Variants in WWOX observed in about 807,000 individuals in gnomAD.
WWOX encodes the protein WW domain-containing oxidoreductase.
Under a neutral mutation model 46.2 loss-of-function variants are expected in WWOX, and 69 were observed. That is an observed-to-expected ratio of 1.49 (90% CI 1.23 to 1.82). The LOEUF (loss-of-function observed/expected upper bound fraction) is 1.82, where lower values mean the gene tolerates loss of function less well. WWOX is among the 40% of genes most tolerant of loss of function. The pLI is 0.00. For missense variants in WWOX, 919 were observed against 542.6 expected (o/e 1.69, Z -6.89); for synonymous variants, 359 against 202.6 (o/e 1.77, Z -6.56).
intron 8 of WWOX, among the ~76,000 whole-genome samples, chr16:79,188,240 C>T (rs1446523599): frequency 5.9e-5 from 9 of 152,152 alleles, no homozygotes; most frequent in African/African-American, 2.2e-4. Context: ...AAAATGGAAA[C>T]ACACACTTTT....
At chr16:78,114,145 T>C (rs2032649731) in intron 3 of WWOX, among the ~76,000 whole-genome samples, 1 of 150,116 alleles carries the variant, frequency 6.7e-6, no homozygotes, top group African/African-American at 2.5e-5. Context: ...TCACCCAGGC[T>C]AGAGTGCAGT....
intron 8 of WWOX, among the ~76,000 whole-genome samples, chr16:78,609,929 G>C (rs1033581433): frequency 2.0e-5 from 3 of 152,132 alleles, no homozygotes; most frequent in African/African-American, 4.8e-5. Flanking sequence ...TGCGTGTGTA[G>C]GGGGTAGCAT....
chr16:78,539,701 A>G (rs2043841455), intron 8 of WWOX, among the ~76,000 whole-genome samples: 1 of 152,168 alleles, frequency 6.6e-6, no homozygotes, highest in African/African-American at 2.4e-5. Context: ...ACCTTGCCAG[A>G]GCATGTTTTC....
At chr16:78,367,919 G>C (rs1025568710) in intron 5 of WWOX, among the ~76,000 whole-genome samples, 3 of 151,964 alleles carry the variant, frequency 2.0e-5, no homozygotes, top group Non-Finnish European at 4.4e-5. Flanking sequence ...ACCACACCCC[G>C]CTAATTTTTG....
chr16:78,840,841 G>C (rs993026166), intron 8 of WWOX, among the ~76,000 whole-genome samples: 1 of 151,922 alleles, frequency 6.6e-6, no homozygotes, highest in South Asian at 2.1e-4. Context: ...TTATAAATTG[G>C]TAATCCCCCA....
At chr16:78,952,062 T>G (rs2046071244) in intron 8 of WWOX, among the ~76,000 whole-genome samples, 1 of 152,094 alleles carries the variant, frequency 6.6e-6, no homozygotes, top group South Asian at 2.1e-4. Context: ...AGACCCCTAA[T>G]CATAACCTAC....
chr16:79,019,685 C>G (rs963341046), intron 8 of WWOX, among the ~76,000 whole-genome samples: 1 of 151,886 alleles, frequency 6.6e-6, no homozygotes, highest in African/African-American at 2.4e-5. Flanking sequence ...CCCGGGCTCT[C>G]TAAGGGTGTA....
intron 8 of WWOX, among the ~76,000 whole-genome samples, chr16:78,705,385 T>G (rs77052053): frequency 6.6e-6 from 1 of 152,154 alleles, no homozygotes; most frequent in Non-Finnish European, 1.5e-5. Context: ...AGGGACTTCT[T>G]TGGGGAGAAT....
intron 8 of WWOX, among the ~76,000 whole-genome samples, chr16:79,191,128 A>G (rs992959094): frequency 2.0e-5 from 3 of 152,136 alleles, no homozygotes; most frequent in Non-Finnish European, 2.9e-5. Flanking sequence ...ACCTTGGCTC[A>G]GTGCAGCCTC....
chr16:78,192,491 C>CA (rs56109773), intron 5 of WWOX, among the ~76,000 whole-genome samples: 23,472 of 87,078 alleles, frequency 0.27, 3,111 homozygotes, highest in Non-Finnish European at 0.33. Flanking sequence ...GACTCCGTCT[C>CA]AAAAAAAAAA....
intron 8 of WWOX, among the ~76,000 whole-genome samples, chr16:78,911,471 G>C (rs2045109677): frequency 6.6e-6 from 1 of 151,998 alleles, no homozygotes; most frequent in South Asian, 2.1e-4. Context: ...AATGGTGAAA[G>C]ATTCAGAAGT....
At chr16:78,789,703 G>A (rs1268386413) in intron 8 of WWOX, among the ~76,000 whole-genome samples, 1 of 152,118 alleles carries the variant, frequency 6.6e-6, no homozygotes, top group Non-Finnish European at 1.5e-5. Context: ...TTCAATAACT[G>A]GCTTGCATAT....
chr16:78,422,245 T>G (rs954638626), intron 6 of WWOX, among the ~76,000 whole-genome samples: 2 of 152,180 alleles, frequency 1.3e-5, no homozygotes, highest in Admixed American at 6.5e-5. Flanking sequence ...TTCCACTGTT[T>G]TAGAGAGCAG....
intron 8 of WWOX, among the ~76,000 whole-genome samples, chr16:78,816,018 G>A (rs569563803): frequency 6.6e-6 from 1 of 152,262 alleles, no homozygotes; most frequent in South Asian, 2.1e-4. Flanking sequence ...AGAACTGTAA[G>A]GCCAAGTGGT....
At chr16:78,565,626 C>A (rs2044545920) in intron 8 of WWOX, among the ~76,000 whole-genome samples, 1 of 152,198 alleles carries the variant, frequency 6.6e-6, no homozygotes, top group Non-Finnish European at 1.5e-5. Flanking sequence ...GTCCCCTTTG[C>A]CATGGCTGAT....
chr16:79,104,630 A>T (rs2049270999), intron 8 of WWOX, among the ~76,000 whole-genome samples: 1 of 152,188 alleles, frequency 6.6e-6, no homozygotes, highest in Non-Finnish European at 1.5e-5. Flanking sequence ...TATGTATGTC[A>T]CCATGTACCT....
chr16:78,785,100 T>C (rs2050422549), intron 8 of WWOX, among the ~76,000 whole-genome samples: 1 of 152,118 alleles, frequency 6.6e-6, no homozygotes, highest in South Asian at 2.1e-4. Flanking sequence ...AACTGAGAAA[T>C]AACATCCATA....
intron 8 of WWOX, among the ~76,000 whole-genome samples, chr16:79,167,490 C>T (rs1018903664): frequency 1.3e-5 from 2 of 152,252 alleles, no homozygotes; most frequent in African/African-American, 4.8e-5. Context: ...GCTGGCATCT[C>T]TGGTGTGTCC....
At chr16:78,745,000 C>G (rs1377018488) in intron 8 of WWOX, among the ~76,000 whole-genome samples, 1 of 152,192 alleles carries the variant, frequency 6.6e-6, no homozygotes, top group African/African-American at 2.4e-5. Context: ...TCCCCAGTCC[C>G]TGCTTCCCAG....
Sources: allele counts gnomAD v4.1 joint callset (sites outside exome capture counted in the v4.1 genomes callset), GRCh38; gene constraint gnomAD v4.1.1; transcripts MANE v1.5; gene names NCBI Gene and HGNC (gene_info 2026-07-23, HGNC 2026-07-21).